The following SLX4IP variants were observed in gnomAD, a reference collection of about 807,000 sequenced individuals.
SLX4IP encodes the protein protein SLX4IP.
In SLX4IP, 34 loss-of-function variants were observed where a neutral mutation model predicts 32.9. The observed-to-expected ratio is 1.03, with a 90% CI of 0.79 to 1.38. The LOEUF (loss-of-function observed/expected upper bound fraction) is 1.38, where lower values mean the gene tolerates loss of function less well. SLX4IP is among the 40% of genes most tolerant of loss of function. SLX4IP has a pLI of 0.00. For missense variants in SLX4IP, 444 were observed against 479.0 expected, an observed-to-expected ratio of 0.93 and a Z score of 0.68; for synonymous variants, 172 against 171.7, an observed-to-expected ratio of 1.00 and a Z score of -0.01.
intron 4 of SLX4IP, among the ~76,000 whole-genome samples, chr20:10,597,989 C>T (rs1238152549): frequency 6.6e-6 from 1 of 152,188 alleles, no homozygotes; most frequent in African/African-American, 2.4e-5. Flanking sequence ...AGGCAAAATA[C>T]ATCCATGTTC....
chr20:10,487,055 C>G (rs1468015507), intron 2 of SLX4IP, among the ~76,000 whole-genome samples: 2 of 152,076 alleles, frequency 1.3e-5, no homozygotes, highest in Non-Finnish European at 2.9e-5. Flanking sequence ...TGGATTAGAG[C>G]CGCCTGCACG....
chr20:10,625,934 G>GT lies in SLX4IP; in HGVS notation c.*2561dup, dbSNP rs1293817761. ...ACAAAGGGGTAAATGGATGCCAGGG[G>GT]TTTTTTGTTGTTGTTGCTTATTAGG... On this transcript the variant is annotated 3_prime_UTR_variant, in exon 8 of 8. Transcript: ENST00000334534. 1 of 151,500 alleles carries GT rather than the reference G, an allele frequency of 6.6e-6. No individual in the cohort carries two copies. The highest frequency in any genetic ancestry group is 2.4e-5 in the African/African-American group (1 of 41,176). 9.4% of individuals were successfully genotyped at this position (151,500 alleles called of 1,614,324 possible).
At chr20:10,513,962 G>T (rs961753104) in intron 2 of SLX4IP, among the ~76,000 whole-genome samples, 2 of 152,180 alleles carry the variant, frequency 1.3e-5, no homozygotes, top group African/African-American at 4.8e-5. Flanking sequence ...AAAGGGAGGG[G>T]AGTTGCCTTC....
intron 1 of SLX4IP, among the ~76,000 whole-genome samples, chr20:10,444,764 T>A (rs999298873): frequency 1.3e-5 from 2 of 152,110 alleles, no homozygotes; most frequent in African/African-American, 4.8e-5. Flanking sequence ...GAGCCTTTTT[T>A]AAAATAAGGG....
At chr20:10,573,087 C>T (rs1390537867) in intron 4 of SLX4IP, among the ~76,000 whole-genome samples, 7 of 152,254 alleles carry the variant, frequency 4.6e-5, no homozygotes, top group Admixed American at 3.9e-4. Flanking sequence ...TTTCTCCTTG[C>T]TCTTCAGACA....
intron 4 of SLX4IP, among the ~76,000 whole-genome samples, chr20:10,586,964 C>T (rs2066653361): frequency 6.6e-6 from 1 of 152,018 alleles, no homozygotes; most frequent in South Asian, 2.1e-4. Flanking sequence ...AATTTAAGAA[C>T]TAGGTAACTC....
chr20:10,558,368 C>T (rs997621442), intron 3 of SLX4IP, among the ~76,000 whole-genome samples: 19 of 146,112 alleles, frequency 1.3e-4, no homozygotes, highest in Non-Finnish European at 2.3e-4. Flanking sequence ...AAAAACAATT[C>T]GCTGATGTTA....
At chr20:10,580,395 A>C (rs62185087) in intron 4 of SLX4IP, among the ~76,000 whole-genome samples, 1,851 of 151,616 alleles carry the variant, frequency 0.012, 13 homozygotes, top group South Asian at 0.031. Flanking sequence ...GTCCCAGCAG[A>C]ATGCTCCTGA....
At chr20:10,540,277 G>A (rs1160906326) in intron 2 of SLX4IP, among the ~76,000 whole-genome samples, 4 of 151,164 alleles carry the variant, frequency 2.6e-5, no homozygotes, top group African/African-American at 4.9e-5. Flanking sequence ...TTTTTAACAA[G>A]CCGTCCTGGT....
intron 4 of SLX4IP, among the ~76,000 whole-genome samples, chr20:10,589,595 A>G (rs1459691990): frequency 2.6e-5 from 4 of 152,214 alleles, no homozygotes; most frequent in Admixed American, 2.6e-4. Context: ...GCAACCAGGG[A>G]TCAGTGGGGA....
intron 2 of SLX4IP, among the ~76,000 whole-genome samples, chr20:10,498,425 A>G (rs1202233104): frequency 6.6e-6 from 1 of 152,050 alleles, no homozygotes; most frequent in Non-Finnish European, 1.5e-5. Flanking sequence ...TGCCCCTGCC[A>G]GGTCTGTGGT....
intron 6 of SLX4IP, 69 bp from the exon 7 acceptor site, chr20:10,621,245 A>G: frequency 7.5e-7 from 1 of 1,338,906 alleles, no homozygotes; most frequent in Non-Finnish European, 1.1e-6. Flanking sequence ...GGGCATTCAG[A>G]GTGTAACTGT....
chr20:10,468,374 A>G (rs886398316), intron 2 of SLX4IP, among the ~76,000 whole-genome samples: 2 of 152,180 alleles, frequency 1.3e-5, no homozygotes, highest in South Asian at 2.1e-4. Context: ...TTTTCTTAAC[A>G]TCATATTCAT....
chr20:10,569,967 G>A (rs1601014804), intron 4 of SLX4IP, among the ~76,000 whole-genome samples: 1 of 152,166 alleles, frequency 6.6e-6, no homozygotes, highest in African/African-American at 2.4e-5. Flanking sequence ...ATATGAATTT[G>A]CAGGGAGAGG....
At chr20:10,440,209 C>T in intron 1 of SLX4IP, among the ~76,000 whole-genome samples, 1 of 150,954 alleles carries the variant, frequency 6.6e-6, no homozygotes, top group East Asian at 1.9e-4. Flanking sequence ...TATTCCAACA[C>T]TTTGGGAGGC....
intron 1 of SLX4IP, among the ~76,000 whole-genome samples, chr20:10,445,932 G>GTTTTTTTTTTTT (rs2065198680): frequency 7.9e-6 from 1 of 126,238 alleles, no homozygotes. Context: ...GGCTGAGATT[G>GTTTTTTTTTTTT]CTTTTTTTTT....
intron 4 of SLX4IP, among the ~76,000 whole-genome samples, chr20:10,575,548 C>G (rs1458769233): frequency 6.6e-6 from 1 of 151,956 alleles, no homozygotes; most frequent in Middle Eastern, 3.4e-3. Context: ...CCCTACCCCC[C>G]ACCCCCAATA....
At chr20:10,522,090 C>A (rs1183533641) in intron 2 of SLX4IP, among the ~76,000 whole-genome samples, 1 of 152,188 alleles carries the variant, frequency 6.6e-6, no homozygotes, top group Non-Finnish European at 1.5e-5. Flanking sequence ...TTTCACCCCC[C>A]TTCAAGAGAT....
At chr20:10,441,430 C>T (rs1216258186) in intron 1 of SLX4IP, among the ~76,000 whole-genome samples, 1 of 152,148 alleles carries the variant, frequency 6.6e-6, no homozygotes, top group Non-Finnish European at 1.5e-5. Flanking sequence ...GACCGAGACC[C>T]TGTCTCTAAA....
Sources: gnomAD v4.1 joint callset for allele counts (sites outside exome capture counted in the v4.1 genomes callset) on GRCh38, gnomAD v4.1.1 for gene constraint, MANE v1.5 for transcripts, NCBI Gene and HGNC (gene_info 2026-07-23, HGNC 2026-07-21) for gene names.